The following SH3RF3 variants were observed in gnomAD, a reference collection of about 807,000 sequenced individuals.
SH3RF3 encodes the protein SH3 domain containing ring finger 3.
A neutral mutation model predicts 66.3 loss-of-function variants in SH3RF3; 29 were observed. The ratio of observed to expected loss-of-function variants is 0.44; its 90% CI spans 0.33 to 0.60. The LOEUF is 0.60. Among genes scored for constraint, SH3RF3 ranks in the 20% least tolerant of loss-of-function variants. SH3RF3 has a pLI of 0.04. For synonymous variants in SH3RF3, 583 were observed against 532.0 expected (o/e 1.10, Z -1.32); for missense variants, 1,194 against 1,190.9 (o/e 1.00, Z -0.04).
At chr2:109,170,070 A>G (rs1677724549) in intron 1 of SH3RF3, among the ~76,000 whole-genome samples, 1 of 152,186 alleles carries the variant, frequency 6.6e-6, no homozygotes, top group Non-Finnish European at 1.5e-5. Context: ...ATTTTGGCCA[A>G]AACACTTTGC....
chr2:109,416,861 C>T (rs967507688), intron 4 of SH3RF3, among the ~76,000 whole-genome samples: 2 of 149,952 alleles, frequency 1.3e-5, no homozygotes, highest in Non-Finnish European at 3.0e-5. Flanking sequence ...GCTGAGATCG[C>T]GCCACTGCAT....
At chr2:109,411,821 C>T (rs1321443152) in intron 4 of SH3RF3, among the ~76,000 whole-genome samples, 3 of 152,234 alleles carry the variant, frequency 2.0e-5, no homozygotes, top group African/African-American at 7.2e-5. Context: ...CCTCTCTCTG[C>T]TCTTCATTCC....
chr2:109,421,268 A>G lies in SH3RF3; in HGVS notation c.1403+1626A>G, dbSNP rs535962829. The stretch of plus-strand genomic sequence containing the variant: ...AGGTTGCTGAGGCCATGAGTGCTTC[A>G]AGGGCAAAGCCCAGATGTGTTTGTT... On this transcript the variant is annotated intron_variant, in intron 5 of 9. Transcript: ENST00000309415. Among the ~76,000 whole-genome samples the G allele has an allele frequency of 2.6e-5, 4 of 152,378 alleles. No individual in the cohort carries two copies. In the South Asian group the frequency reaches 8.3e-4, roughly 32 times the overall value.
At chr2:109,484,321 C>T (rs1217800861) in intron 8 of SH3RF3, among the ~76,000 whole-genome samples, 2 of 152,162 alleles carry the variant, frequency 1.3e-5, no homozygotes. Context: ...TCCACCTTGG[C>T]CTCCCAAAGT....
chr2:109,210,799 T>C (rs1251648759), intron 1 of SH3RF3, among the ~76,000 whole-genome samples: 1 of 152,236 alleles, frequency 6.6e-6, no homozygotes, highest in Non-Finnish European at 1.5e-5. Flanking sequence ...GACCTATTTC[T>C]AAAGCATGAG....
chr2:109,313,867 G>A (rs4494781), intron 1 of SH3RF3, among the ~76,000 whole-genome samples: 47,433 of 152,078 alleles, frequency 0.31, 9,176 homozygotes, highest in African/African-American at 0.55. Flanking sequence ...CCAGAGCAGA[G>A]GGATTTGAAG....
At chr2:109,261,265 C>A (rs1036978501) in intron 1 of SH3RF3, among the ~76,000 whole-genome samples, 12 of 152,166 alleles carry the variant, frequency 7.9e-5, no homozygotes, top group Non-Finnish European at 1.6e-4. Context: ...CAGAACAAAG[C>A]AATGATGTGG....
At chr2:109,333,575 G>T (rs1682336727) in intron 1 of SH3RF3, among the ~76,000 whole-genome samples, 2 of 152,202 alleles carry the variant, frequency 1.3e-5, no homozygotes, top group African/African-American at 4.8e-5. Flanking sequence ...TGGAATCTCT[G>T]GAGCTCTGGC....
At chr2:109,141,263 C>T (rs12476514) in intron 1 of SH3RF3, among the ~76,000 whole-genome samples, 62,349 of 152,034 alleles carry the variant, frequency 0.41, 14,509 homozygotes, top group South Asian at 0.53. Context: ...CTCTGTGGGC[C>T]GTGCGCATTC....
At chr2:109,362,219 G>A (rs1010586470) in intron 2 of SH3RF3, among the ~76,000 whole-genome samples, 4 of 151,880 alleles carry the variant, frequency 2.6e-5, no homozygotes, top group Non-Finnish European at 4.4e-5. Flanking sequence ...TTTCCCTGTA[G>A]GTGCTACTTT....
chr2:109,221,600 AAAG>A (rs1476955083), intron 1 of SH3RF3, among the ~76,000 whole-genome samples: 132 of 151,900 alleles, frequency 8.7e-4, no homozygotes, highest in African/African-American at 3.0e-3. Context: ...AAAAAAAAAA[AAAG>A]TGTGCATCTT....
At chr2:109,477,773 G>A (rs560761870) in intron 8 of SH3RF3, among the ~76,000 whole-genome samples, 117 of 152,244 alleles carry the variant, frequency 7.7e-4, no homozygotes, top group African/African-American at 2.4e-3. Context: ...CCTTCTCACC[G>A]TGTCCTCACG....
At chr2:109,296,787 G>A (rs1231841517) in intron 1 of SH3RF3, among the ~76,000 whole-genome samples, 1 of 152,190 alleles carries the variant, frequency 6.6e-6, no homozygotes, top group East Asian at 1.9e-4. Context: ...GGAATAGGCA[G>A]TGGTCAGCTG....
chr2:109,263,793 C>T (rs1271910642), intron 1 of SH3RF3, among the ~76,000 whole-genome samples: 3 of 152,052 alleles, frequency 2.0e-5, no homozygotes, highest in Admixed American at 6.6e-5. Flanking sequence ...TGTGAAATGC[C>T]GTCTCTACTA....
chr2:109,239,881 G>T (rs1679738702), intron 1 of SH3RF3, among the ~76,000 whole-genome samples: 1 of 152,218 alleles, frequency 6.6e-6, no homozygotes, highest in Non-Finnish European at 1.5e-5. Context: ...TTAGAGAAAT[G>T]TGTGCTGAAG....
chr2:109,375,817 A>G (rs1241224500), intron 3 of SH3RF3, among the ~76,000 whole-genome samples: 1 of 152,244 alleles, frequency 6.6e-6, no homozygotes, highest in African/African-American at 2.4e-5. Context: ...TGTTGAGAAC[A>G]GGGCCCATTC....
intron 1 of SH3RF3, among the ~76,000 whole-genome samples, chr2:109,312,992 C>T (rs2378315): frequency 0.31 from 47,389 of 151,952 alleles, 9,149 homozygotes; most frequent in African/African-American, 0.55. Context: ...TACAGTAATG[C>T]GGAAGAAGGG....
intron 1 of SH3RF3, among the ~76,000 whole-genome samples, chr2:109,305,913 T>C (rs990099242): frequency 5.9e-5 from 9 of 152,192 alleles, no homozygotes; most frequent in Non-Finnish European, 1.3e-4. Context: ...CTCTGCCCTT[T>C]GGGCTGCTCC....
chr2:109,312,636 C>T (rs1417347204), intron 1 of SH3RF3, among the ~76,000 whole-genome samples: 1 of 152,210 alleles, frequency 6.6e-6, no homozygotes, highest in African/African-American at 2.4e-5. Context: ...ATACATGGCC[C>T]TTTGGTCTAG....
Sources: gnomAD v4.1 joint callset for allele counts (sites outside exome capture counted in the v4.1 genomes callset) on GRCh38, gnomAD v4.1.1 for gene constraint, MANE v1.5 for transcripts, NCBI Gene and HGNC (gene_info 2026-07-23, HGNC 2026-07-21) for gene names.